Variants in SLC12A2 observed in about 807,000 individuals in gnomAD.
SLC12A2 encodes solute carrier family 12 member 2.
A neutral mutation model predicts 136.3 loss-of-function variants in SLC12A2; 67 were observed. The ratio of observed to expected loss-of-function variants is 0.49; its 90% CI spans 0.40 to 0.60. The LOEUF (loss-of-function observed/expected upper bound fraction) is 0.60, where lower values mean the gene tolerates loss of function less well. Ranked by LOEUF, SLC12A2 falls within the 20% of genes least tolerant of loss-of-function variation. SLC12A2 has a pLI of 0.00. For synonymous variants in SLC12A2, 619 were observed against 562.9 expected (o/e 1.10, Z -1.41); for missense variants, 1,322 against 1,534.7 (o/e 0.86, Z 2.32).
chr5:128,167,633 G>A, intron 17 of SLC12A2, 128 bp from the exon 18 acceptor site: 1 of 553,362 alleles, frequency 1.8e-6, no homozygotes, highest in Non-Finnish European at 3.2e-6. Flanking sequence ...ATATGAATAT[G>A]GAATGCTGAA....
intron 15 of SLC12A2, among the ~76,000 whole-genome samples, chr5:128,156,570 T>G (rs1762876309): frequency 6.6e-6 from 1 of 152,144 alleles, no homozygotes; most frequent in East Asian, 1.9e-4. Context: ...CAATAACGGG[T>G]TCTATTAGGG....
chr5:128,085,132 T>G (rs1157976142), intron 1 of SLC12A2, among the ~76,000 whole-genome samples: 11 of 152,038 alleles, frequency 7.2e-5, no homozygotes, highest in East Asian at 3.9e-4. Context: ...GTGTGGCTTA[T>G]GTACGCCTAT....
At chr5:128,170,516 T>C (rs1763339590) in intron 18 of SLC12A2, 1 of 152,200 alleles carries the variant, frequency 6.6e-6, no homozygotes, top group Non-Finnish European at 1.5e-5. Flanking sequence ...GATTTTAGCC[T>C]TTTTGATTTC....
Position 128,084,032 on chromosome 5 carries a change from G to T in SLC12A2, c.78G>T (p.Ala26=), listed in dbSNP as rs1418769841. The change falls in exon 1 of 27, where the codon GCG becomes GCT. Residue 26 remains alanine, a synonymous_variant. Transcript: ENST00000262461. This position sits in a 1 kb window ranked among gnomAD's most constrained non-coding sequence, Gnocchi z 5.6. The part of the protein sequence containing the change: ...AGVGETPSAA[A]LAAARVELPG... ...TCGGGGAGACGCCGTCAGCCGCTGC[G>T]CTGGCCGCAGCCAGGGTGGAACTGC... 6.2e-5 allele frequency: 79 copies of T among 1,266,400 alleles called. No individual in the cohort carries two copies. Among genetic ancestry groups the T allele is most frequent in the Non-Finnish European group, 6.5e-5 (66 of 1,008,524 alleles). 78.4% of individuals were successfully genotyped at this position (1,266,400 alleles called of 1,614,324 possible).
chr5:128,142,579 G>A lies in SLC12A2; in HGVS notation c.1773+598G>A, dbSNP rs188644156. Among the ~76,000 whole-genome samples, 419 of 152,104 alleles carry A rather than the reference G, an allele frequency of 2.8e-3. 2 individuals are homozygous for A. Among genetic ancestry groups the A allele is most frequent in the African/African-American group, 9.8e-3 (407 of 41,486 alleles). On this transcript the variant is annotated intron_variant, in intron 10 of 26. Coordinates refer to ENST00000262461, the MANE Select transcript of SLC12A2 (RefSeq NM_001046.3). ...GTGTTTTTATATATGTAATATGTAA[G>A]TGTACTGTTTTAGAAAGCATGGAAT...
intron 4 of SLC12A2, among the ~76,000 whole-genome samples, chr5:128,127,838 A>C (rs528518771): frequency 3.8e-4 from 58 of 151,344 alleles, no homozygotes; most frequent in Non-Finnish European, 7.5e-4. Flanking sequence ...ATTGTTTATC[A>C]GTTTTTTTTA....
intron 1 of SLC12A2, among the ~76,000 whole-genome samples, chr5:128,101,235 C>A (rs185473523): frequency 2.1e-4 from 32 of 152,064 alleles, no homozygotes; most frequent in African/African-American, 7.2e-4. Flanking sequence ...TTGGCCAGTA[C>A]TTGATTAAAA....
rs372863815 is a variant in SLC12A2 at position 128,161,667 on chromosome 5, G to A, written c.2483G>A (p.Arg828Gln). ...TAATATTTTTATTCAAAGGGTCCTCGAAGACAAGCCATGAAAGAGATGTCC... is the reference window on the plus strand; with the variant it reads ...TAATATTTTTATTCAAAGGGTCCTCAAAGACAAGCCATGAAAGAGATGTCC... ...MICGHVHMGP[R>Q]RQAMKEMSID... Residue 828 changes from arginine (R) to glutamine (Q), a missense_variant, in exon 17 of 27, where the codon CGA becomes CAA. Arg to Gln is a conservative substitution (Grantham distance 43). Around this residue, in one of 8 missense-constraint regions of SLC12A2, gnomAD observed 294 missense variants for 436.6 expected, o/e 0.67. Coordinates refer to ENST00000262461, the MANE Select transcript of SLC12A2 (RefSeq NM_001046.3). 1.4e-4 allele frequency: 195 copies of A among 1,415,102 alleles called. 1 individual carries two copies. The highest frequency in any genetic ancestry group is 5.4e-4 in the African/African-American group (36 of 66,812). 87.7% of individuals were successfully genotyped at this position (1,415,102 alleles called of 1,614,324 possible).
intron 19 of SLC12A2, 86 bp downstream of exon 19, chr5:128,171,832 C>T (rs963841357): frequency 5.9e-5 from 46 of 781,016 alleles, no homozygotes; most frequent in South Asian, 3.0e-4. Context: ...CTGGGCTCTT[C>T]GTTACTTTTA....
At chr5:128,166,118 C>A (rs1763196600) in intron 17 of SLC12A2, among the ~76,000 whole-genome samples, 2 of 151,996 alleles carry the variant, frequency 1.3e-5, no homozygotes, top group Non-Finnish European at 2.9e-5. Context: ...AGGGATATTT[C>A]TTCTGTCCTA....
At chr5:128,109,594 G>A (rs1761070330) in intron 1 of SLC12A2, 1 of 733,038 alleles carries the variant, frequency 1.4e-6, no homozygotes. Flanking sequence ...GGGGACCCAG[G>A]TTAAAAGCAG....
intron 15 of SLC12A2, among the ~76,000 whole-genome samples, chr5:128,154,910 C>T (rs999714690): frequency 6.6e-6 from 1 of 151,914 alleles, no homozygotes; most frequent in African/African-American, 2.4e-5. Context: ...GTAACCTTTG[C>T]GTAAAATTTT....
intron 20 of SLC12A2, among the ~76,000 whole-genome samples, chr5:128,176,861 T>C (rs1581138711): frequency 6.6e-6 from 1 of 152,188 alleles, no homozygotes; most frequent in Non-Finnish European, 1.5e-5. Context: ...ATTTAAAAAG[T>C]AATTTTACAG....
At chr5:128,171,793 A>G (rs1181717082) in intron 19 of SLC12A2, 47 bp downstream of exon 19, 2 of 1,090,636 alleles carry the variant, frequency 1.8e-6, no homozygotes, top group South Asian at 1.4e-5. Flanking sequence ...AATATAAACT[A>G]CTTTGTTAGA....
intron 26 of SLC12A2, among the ~76,000 whole-genome samples, chr5:128,185,702 T>C (rs995257716): frequency 6.6e-6 from 1 of 152,198 alleles, no homozygotes; most frequent in Non-Finnish European, 1.5e-5. Context: ...ATATAGCTTC[T>C]GTTTTCTAAA....
intron 4 of SLC12A2, among the ~76,000 whole-genome samples, chr5:128,129,332 G>A (rs1188941433): frequency 6.6e-6 from 1 of 152,060 alleles, no homozygotes; most frequent in Non-Finnish European, 1.5e-5. Context: ...TAATTATAAT[G>A]TGATGTAATA....
chr5:128,113,203 G>C (rs1005280290), intron 2 of SLC12A2, among the ~76,000 whole-genome samples: 4 of 152,150 alleles, frequency 2.6e-5, no homozygotes, highest in Admixed American at 6.5e-5. Context: ...ATATTTCATT[G>C]CCTCTTGTGA....
At chr5:128,172,045 A>C (rs1423435311) in intron 19 of SLC12A2, among the ~76,000 whole-genome samples, 1 of 152,204 alleles carries the variant, frequency 6.6e-6, no homozygotes, top group East Asian at 1.9e-4. Context: ...GACAAACCTA[A>C]GTAAAATAGC....
intron 9 of SLC12A2, among the ~76,000 whole-genome samples, chr5:128,140,085 G>A (rs1419187717): frequency 1.3e-4 from 20 of 151,988 alleles, no homozygotes; most frequent in Admixed American, 6.6e-5. Context: ...TGCAACCTCC[G>A]CCTCCCAGAT....
Sources: allele counts gnomAD v4.1 joint callset (sites outside exome capture counted in the v4.1 genomes callset), GRCh38; gene constraint gnomAD v4.1.1; regional missense constraint gnomAD v4.1.1; non-coding constraint Gnocchi (gnomAD v3.1); transcripts MANE v1.5; gene names NCBI Gene and HGNC (gene_info 2026-07-23, HGNC 2026-07-21).